TRAPPC12: variants seen among roughly 807,000 people sequenced by gnomAD.
The protein encoded by TRAPPC12 is trafficking protein particle complex subunit 12.
TRAPPC12 carries 61 observed loss-of-function variants against 69.2 expected under a neutral mutation model. That is an observed-to-expected ratio of 0.88 (90% CI 0.72 to 1.09). The LOEUF (loss-of-function observed/expected upper bound fraction) is 1.09. TRAPPC12 is among the 50% of genes least tolerant of loss of function. The pLI, the probability that TRAPPC12 is intolerant of heterozygous loss-of-function variation, is 0.00. For missense variants in TRAPPC12, 1,101 were observed against 1,016.4 expected (o/e 1.08, Z -1.13); for synonymous variants, 469 against 438.9 (o/e 1.07, Z -0.86).
intron 5 of TRAPPC12, among the ~76,000 whole-genome samples, chr2:3,428,233 C>T (rs1024456545): frequency 5.3e-5 from 8 of 152,186 alleles, no homozygotes; most frequent in Non-Finnish European, 1.2e-4. Flanking sequence ...ACAGCAGCTA[C>T]GCATCATTGA....
chr2:3,469,803 A>G (rs1312437584), intron 9 of TRAPPC12, among the ~76,000 whole-genome samples: 1 of 152,230 alleles, frequency 6.6e-6, no homozygotes, highest in African/African-American at 2.4e-5. Flanking sequence ...CAGGTGGGAA[A>G]TGGACAGAAT....
At chr2:3,426,047 A>G (rs1558373509) in intron 5 of TRAPPC12, among the ~76,000 whole-genome samples, 1 of 152,122 alleles carries the variant, frequency 6.6e-6, no homozygotes, top group Admixed American at 6.5e-5. Context: ...ACCTTCCTCC[A>G]AGTAGGACGG....
chr2:3,383,857 G>T (rs2103418084), intron 1 of TRAPPC12, among the ~76,000 whole-genome samples: 2 of 126,748 alleles, frequency 1.6e-5, no homozygotes, highest in South Asian at 2.6e-4. Context: ...ATTCCCTTGT[G>T]ATAGTTCAGT....
chr2:3,448,179 G>A (rs1400052361), intron 6 of TRAPPC12, among the ~76,000 whole-genome samples: 3 of 152,200 alleles, frequency 2.0e-5, no homozygotes, highest in Non-Finnish European at 4.4e-5. Flanking sequence ...AGTGGCCTCA[G>A]GGAGGTGAAG....
chr2:3,415,475 C>T (rs905787681), intron 3 of TRAPPC12, among the ~76,000 whole-genome samples: 17 of 146,974 alleles, frequency 1.2e-4, no homozygotes, highest in East Asian at 6.1e-4. Flanking sequence ...GTGCGATCTC[C>T]GCTCACTGCA....
chr2:3,470,441 T>A (rs1314142532), intron 9 of TRAPPC12, among the ~76,000 whole-genome samples: 1 of 152,256 alleles, frequency 6.6e-6, no homozygotes, highest in Non-Finnish European at 1.5e-5. Flanking sequence ...CCTGCTGGAC[T>A]CTCTGCACTG....
chr2:3,455,551 T>C (rs1665101228), intron 6 of TRAPPC12: 1 of 152,198 alleles, frequency 6.6e-6, no homozygotes, highest in African/African-American at 2.4e-5. Context: ...TCCATCTCCA[T>C]GAGTTCAGTT....
At chr2:3,431,143 T>C (rs1663411976) in intron 5 of TRAPPC12, among the ~76,000 whole-genome samples, 1 of 152,206 alleles carries the variant, frequency 6.6e-6, no homozygotes, top group African/African-American at 2.4e-5. Flanking sequence ...TCAAAGATGC[T>C]CTCTCTCCTG....
intron 2 of TRAPPC12, among the ~76,000 whole-genome samples, chr2:3,401,439 C>T (rs1661437395): frequency 6.6e-6 from 1 of 152,232 alleles, no homozygotes; most frequent in Non-Finnish European, 1.5e-5. Context: ...TGAGGCCTCT[C>T]TGCTGGCTTG....
At chr2:3,384,996 T>C (rs973692169) in intron 1 of TRAPPC12, among the ~76,000 whole-genome samples, 3 of 152,190 alleles carry the variant, frequency 2.0e-5, no homozygotes, top group Admixed American at 2.0e-4. Context: ...AACCTTACAT[T>C]GGAATAAGAT....
rs904688580 is a variant in TRAPPC12, at chr2:3,460,081, C to T, written c.1604-182C>T. ...CCCAAAGCCACCTCTGGTCCCAATG[C>T]GAGTGCTGTATTTTCTGCCTCAGTG... On this transcript the variant is annotated intron_variant, in intron 7 of 11. Coordinates refer to ENST00000324266, the MANE Select transcript of TRAPPC12 (RefSeq NM_016030.6). The T allele has an allele frequency of 1.4e-4, 97 of 673,486 alleles. 1 individual carries two copies. The highest frequency in any genetic ancestry group is 1.0e-3 in the South Asian group (62 of 59,702). The allele number at this position is 673,486 out of a possible 1,614,324, so 41.7% of individuals were successfully genotyped here.
intron 5 of TRAPPC12, among the ~76,000 whole-genome samples, chr2:3,440,032 G>A (rs917547343): frequency 1.3e-5 from 2 of 151,998 alleles, no homozygotes; most frequent in African/African-American, 4.8e-5. Flanking sequence ...TTTCTGCTCT[G>A]GGCCACTGAT....
chr2:3,400,430 G>A (rs993313450), intron 2 of TRAPPC12, among the ~76,000 whole-genome samples: 3 of 151,966 alleles, frequency 2.0e-5, no homozygotes, highest in Admixed American at 6.6e-5. Flanking sequence ...GGACCTCAGC[G>A]CTGCTTCCCT....
chr2:3,450,015 G>A (rs1402994370), intron 6 of TRAPPC12, among the ~76,000 whole-genome samples: 1 of 152,056 alleles, frequency 6.6e-6, no homozygotes, highest in Non-Finnish European at 1.5e-5. Flanking sequence ...GGAGCGGAAA[G>A]CACTGGGCAT....
chr2:3,398,564 A>G (rs1558348680), intron 2 of TRAPPC12, among the ~76,000 whole-genome samples: 1 of 152,176 alleles, frequency 6.6e-6, no homozygotes. Context: ...CTACCCCGTG[A>G]GCATTTGTGT....
chr2:3,422,280 G>A (rs186188019), intron 4 of TRAPPC12, among the ~76,000 whole-genome samples: 53 of 152,298 alleles, frequency 3.5e-4, no homozygotes, highest in Admixed American at 1.6e-3. Flanking sequence ...ACGACTGGCA[G>A]TAGCAACTGG....
At position 3,387,788 on chromosome 2, in the gene TRAPPC12, G is replaced by A; in HGVS notation, c.165G>A (p.Ser55=). The A allele has an allele frequency of 6.2e-7, 1 of 1,613,328 alleles. No individual in the cohort carries two copies. The highest frequency in any genetic ancestry group is 8.5e-7 in the Non-Finnish European group (1 of 1,179,586). Residue 55 remains serine, a synonymous_variant, in exon 2 of 12, where the codon TCG becomes TCA. Transcript: ENST00000324266. ...SEENETASEG[S]SPLADKLNEH... is the part of the protein sequence containing the mutation. ...AGAACGAGACCGCATCGGAAGGCTC[G>A]AGTCCTCTCGCGGACAAGCTGAACG... is the stretch of plus-strand genomic sequence containing the variant.
intron 4 of TRAPPC12, among the ~76,000 whole-genome samples, chr2:3,423,329 TG>T (rs1662921716): frequency 6.6e-6 from 1 of 150,410 alleles, no homozygotes; most frequent in East Asian, 2.0e-4. Flanking sequence ...CCTTTGTGTG[TG>T]TGTGTGTGTG....
At chr2:3,434,886 C>A (rs1403454776) in intron 5 of TRAPPC12, among the ~76,000 whole-genome samples, 1 of 152,240 alleles carries the variant, frequency 6.6e-6, no homozygotes, top group Non-Finnish European at 1.5e-5. Context: ...TTCCCTGCCA[C>A]AGAACCCCAG....
Sources: allele counts gnomAD v4.1 joint callset (sites outside exome capture counted in the v4.1 genomes callset), GRCh38; gene constraint gnomAD v4.1.1; transcripts MANE v1.5; gene names NCBI Gene and HGNC (gene_info 2026-07-23, HGNC 2026-07-21).